The following HTR1E variants were observed in gnomAD, a reference collection of about 807,000 sequenced individuals.
HTR1E encodes the protein 5-hydroxytryptamine receptor 1E, also known as 5-HT-1E.
In HTR1E, 3 loss-of-function variants were observed where a neutral mutation model predicts 3.4. The ratio of observed to expected loss-of-function variants is 0.89; its 90% CI spans 0.41 to 2.31. HTR1E has a LOEUF of 2.31. HTR1E is among the 30% of genes most tolerant of loss of function. The pLI, the probability that HTR1E is intolerant of heterozygous loss-of-function variation, is 0.05. For missense variants in HTR1E, 392 were observed against 467.0 expected, an observed-to-expected ratio of 0.84 and a Z score of 1.48; for synonymous variants, 170 against 182.8, an observed-to-expected ratio of 0.93 and a Z score of 0.56.
In HTR1E at chr6:87,016,597, G is replaced by A. The variant is rs1768331343; in HGVS notation, c.*165G>A. 3.4e-6 allele frequency: 2 copies of A among 580,848 alleles called. No homozygotes were observed. Among genetic ancestry groups the A allele is most frequent in the Non-Finnish European group, 5.8e-6 (2 of 346,904 alleles). The allele number at this position is 580,848 out of a possible 1,614,324, so 36.0% of individuals were successfully genotyped here. ...GTTTGTTTTGTTCTGTTTTGTTTGA[G>A]GATTGTTATTTGGCGTGCTGTTTTC... On this transcript the variant is annotated 3_prime_UTR_variant, in exon 2 of 2. Transcript: ENST00000305344.
intron 1 of HTR1E, among the ~76,000 whole-genome samples, chr6:86,995,862 G>C (rs1467836528): frequency 1.3e-5 from 2 of 151,582 alleles, no homozygotes; most frequent in African/African-American, 4.8e-5. Context: ...TCAGAGTAAA[G>C]AAAATTACCA....
intron 1 of HTR1E, among the ~76,000 whole-genome samples, chr6:86,976,262 C>A (rs1767637296): frequency 6.6e-6 from 1 of 152,064 alleles, no homozygotes; most frequent in African/African-American, 2.4e-5. Flanking sequence ...AGGTGGGATG[C>A]TAAATGGGAG....
At chr6:86,940,240 G>GA (rs1478756712) in intron 1 of HTR1E, among the ~76,000 whole-genome samples, 1 of 151,976 alleles carries the variant, frequency 6.6e-6, no homozygotes, top group African/African-American at 2.4e-5. Flanking sequence ...GGCTGCAAAT[G>GA]AAAAGTAGAT....
At chr6:86,942,042 AC>A (rs1768553608) in intron 1 of HTR1E, among the ~76,000 whole-genome samples, 1 of 152,226 alleles carries the variant, frequency 6.6e-6, no homozygotes, top group African/African-American at 2.4e-5. Flanking sequence ...GTGGCTAGCT[AC>A]AATAGCTTGC....
At chr6:86,978,855 A>G (rs1767674520) in intron 1 of HTR1E, among the ~76,000 whole-genome samples, 1 of 152,254 alleles carries the variant, frequency 6.6e-6, no homozygotes, top group Non-Finnish European at 1.5e-5. Flanking sequence ...ACATGACCTC[A>G]TAATCCTTTC....
chr6:86,947,999 C>T lies in HTR1E; in HGVS notation c.-186+10176C>T, dbSNP rs539000687. ...TCATCTAGGTTTTAAGCCCTGCATG[C>T]GTTAGGTATTTGTCCTAATGCTCAC... is the stretch of plus-strand genomic sequence containing the variant. On this transcript the variant is annotated intron_variant, in intron 1 of 1. Coordinates refer to ENST00000305344, the MANE Select transcript of HTR1E (RefSeq NM_000865.3). Among the ~76,000 whole-genome samples the T allele has an allele frequency of 2.6e-5, 4 of 152,242 alleles. No individual in the cohort carries two copies. The East Asian group carries it at 5.8e-4, about 22-fold the overall frequency.
At chr6:86,982,829 T>C (rs1767732926) in intron 1 of HTR1E, among the ~76,000 whole-genome samples, 1 of 152,206 alleles carries the variant, frequency 6.6e-6, no homozygotes, top group Non-Finnish European at 1.5e-5. Flanking sequence ...ACTGATTCAT[T>C]ATCAGCCCAT....
At chr6:86,966,951 A>T (rs1767479839) in intron 1 of HTR1E, among the ~76,000 whole-genome samples, 1 of 152,188 alleles carries the variant, frequency 6.6e-6, no homozygotes, top group Admixed American at 6.6e-5. Context: ...CAGAGACAAT[A>T]CAAGGCACAT....
intron 1 of HTR1E, among the ~76,000 whole-genome samples, chr6:86,976,838 T>C (rs1198979179): frequency 6.6e-6 from 1 of 152,238 alleles, no homozygotes; most frequent in Non-Finnish European, 1.5e-5. Context: ...AAACATACTT[T>C]AATATGAAGT....
intron 1 of HTR1E, among the ~76,000 whole-genome samples, chr6:86,949,315 A>G (rs892640430): frequency 6.6e-6 from 1 of 152,234 alleles, no homozygotes; most frequent in African/African-American, 2.4e-5. Context: ...AAAGTGCTTA[A>G]AACAGTATCT....
chr6:87,016,521 T>C lies in HTR1E; in HGVS notation c.*89T>C. The C allele has an allele frequency of 8.9e-7, 1 of 1,127,888 alleles. No homozygotes were observed. Among genetic ancestry groups the C allele is most frequent in the Non-Finnish European group, 1.3e-6 (1 of 786,108 alleles). The allele number at this position is 1,127,888 out of a possible 1,614,324, so 69.9% of individuals were successfully genotyped here. A position where few individuals can be genotyped will look rare whatever the true frequency, so the allele number is the denominator to read the frequency against. ...GCAACTTATTAATTCTTGAACATAC[T>C]TGGTTCAGGAGAGTTTGTAAGTATG... On this transcript the variant is annotated 3_prime_UTR_variant, in exon 2 of 2. Coordinates refer to ENST00000305344, the MANE Select transcript of HTR1E (RefSeq NM_000865.3).
chr6:86,988,831 T>C (rs997704552), intron 1 of HTR1E, among the ~76,000 whole-genome samples: 1 of 152,132 alleles, frequency 6.6e-6, no homozygotes, highest in African/African-American at 2.4e-5. Flanking sequence ...GAGTAGAAAA[T>C]AAGCCAAGAA....
At chr6:86,943,567 TG>T (rs1220289182) in intron 1 of HTR1E, among the ~76,000 whole-genome samples, 1 of 152,212 alleles carries the variant, frequency 6.6e-6, no homozygotes, top group East Asian at 1.9e-4. Flanking sequence ...TATGCTATTG[TG>T]ATTCATTGTC....
chr6:87,006,321 A>C (rs1178675758), intron 1 of HTR1E, among the ~76,000 whole-genome samples: 1 of 152,228 alleles, frequency 6.6e-6, no homozygotes, highest in Non-Finnish European at 1.5e-5. Flanking sequence ...ATTTGGAAGC[A>C]ACCTAAGTGT....
intron 1 of HTR1E, among the ~76,000 whole-genome samples, chr6:86,945,238 T>C (rs1046862564): frequency 7.0e-6 from 1 of 143,546 alleles, no homozygotes. Context: ...GTATCTTAGT[T>C]TTGTTTGTTT....
chr6:86,971,401 A>G (rs1767554032), intron 1 of HTR1E, among the ~76,000 whole-genome samples: 1 of 152,216 alleles, frequency 6.6e-6, no homozygotes, highest in Non-Finnish European at 1.5e-5. Flanking sequence ...TCTAAACTCT[A>G]AAAGAAAGGC....
chr6:87,016,012 C>T lies in HTR1E; in HGVS notation c.678C>T (p.Ser226=), dbSNP rs763268897. 1 of 1,614,078 alleles carries T rather than the reference C, an allele frequency of 6.2e-7. No homozygotes were observed. The highest frequency in any genetic ancestry group is 8.5e-7 in the Non-Finnish European group (1 of 1,180,038). The change falls in exon 2 of 2, where the codon AGC becomes AGT. Residue 226 remains serine, a synonymous_variant. Coordinates refer to ENST00000305344, the MANE Select transcript of HTR1E (RefSeq NM_000865.3). ...CAAGTCGGCACTTAAGCAACAGAAG[C>T]ACAGATAGCCAGAATTCTTTTGCAA... is the stretch of plus-strand genomic sequence containing the variant. ...RGSSRHLSNR[S]TDSQNSFASC...
intron 1 of HTR1E, among the ~76,000 whole-genome samples, chr6:86,952,935 G>T (rs996915869): frequency 8.5e-5 from 13 of 152,296 alleles, no homozygotes; most frequent in African/African-American, 3.1e-4. Flanking sequence ...TGCAAGAAAG[G>T]TGAAGAGTAG....
chr6:87,016,504 T>C lies in HTR1E; in HGVS notation c.*72T>C, dbSNP rs761325766. ...GGATGGGGGTAAGGGGTGCAACTTA[T>C]TAATTCTTGAACATACTTGGTTCAG... On this transcript the variant is annotated 3_prime_UTR_variant, in exon 2 of 2. Transcript: ENST00000305344. 7 of 1,291,862 alleles carry C rather than the reference T, an allele frequency of 5.4e-6. No individual in the cohort carries two copies. The highest frequency in any genetic ancestry group is 1.5e-5 in the African/African-American group (1 of 67,230). 80.0% of individuals were successfully genotyped at this position (1,291,862 alleles called of 1,614,324 possible).
Sources: gnomAD v4.1 joint callset for allele counts (sites outside exome capture counted in the v4.1 genomes callset) on GRCh38, gnomAD v4.1.1 for gene constraint, MANE v1.5 for transcripts, NCBI Gene and HGNC (gene_info 2026-07-23, HGNC 2026-07-21) for gene names.